ATP6V0A2: variants seen among roughly 807,000 people sequenced by gnomAD.
The protein encoded by ATP6V0A2 is V-type proton ATPase 116 kDa subunit a 2.
Under a neutral mutation model 104.4 loss-of-function variants are expected in ATP6V0A2, and 58 were observed. The observed-to-expected ratio is 0.56, with a 90% CI of 0.45 to 0.69. The LOEUF (loss-of-function observed/expected upper bound fraction) is 0.69, where lower values mean the gene tolerates loss of function less well. ATP6V0A2 is among the 30% of genes least tolerant of loss of function. ATP6V0A2 has a pLI of 0.00. For missense variants in ATP6V0A2, 938 were observed against 1,062.9 expected (o/e 0.88, Z 1.63); for synonymous variants, 376 against 397.9 (o/e 0.95, Z 0.65).
At chr12:123,739,067 G>C (rs1392000055) in intron 9 of ATP6V0A2, 2 of 152,290 alleles carry the variant, frequency 1.3e-5, no homozygotes, top group Non-Finnish European at 2.9e-5. Flanking sequence ...TGGTGTGTGT[G>C]CTGCTTTGTG....
intron 18 of ATP6V0A2, chr12:123,756,514 C>T (rs556445517): frequency 6.5e-5 from 23 of 351,760 alleles, no homozygotes; most frequent in African/African-American, 4.5e-4. Flanking sequence ...GAGCCTGTTT[C>T]TGGCTGCCTG....
intron 9 of ATP6V0A2, among the ~76,000 whole-genome samples, chr12:123,739,446 C>G (rs964206095): frequency 6.6e-6 from 1 of 152,174 alleles, no homozygotes; most frequent in African/African-American, 2.4e-5. Flanking sequence ...TCACAGTTGC[C>G]TTGGTAGTCA....
intron 2 of ATP6V0A2, among the ~76,000 whole-genome samples, chr12:123,718,967 C>T (rs1956370680): frequency 6.6e-6 from 1 of 152,118 alleles, no homozygotes. Flanking sequence ...ACTATAACAT[C>T]TTTTCGTGTC....
intron 6 of ATP6V0A2, chr12:123,732,383 G>A (rs1956509746): frequency 6.6e-6 from 1 of 152,526 alleles, no homozygotes; most frequent in South Asian, 2.1e-4. Flanking sequence ...ATGATCCACA[G>A]GAAACCACAG....
chr12:123,745,084 G>C, intron 13 of ATP6V0A2, 112 bp downstream of exon 13: 4 of 1,095,392 alleles, frequency 3.7e-6, no homozygotes, highest in South Asian at 1.3e-5. Flanking sequence ...CCCTGAGCGG[G>C]AGGTGCTCAT....
intron 6 of ATP6V0A2, among the ~76,000 whole-genome samples, chr12:123,730,157 C>G (rs1378987314): frequency 1.3e-5 from 2 of 151,242 alleles, no homozygotes; most frequent in African/African-American, 4.9e-5. Context: ...TGGGTTCACG[C>G]CATTCTCCTG....
chr12:123,736,985 G>A lies in ATP6V0A2; in HGVS notation c.826-74G>A, dbSNP rs572752272. ...TGTCAATGGGGAGAAAGTCCTCTAAGGGAAGTCGGGTGCCAGGTGGACAGA... is the reference window on the plus strand; with the variant it reads ...TGTCAATGGGGAGAAAGTCCTCTAAAGGAAGTCGGGTGCCAGGTGGACAGA... On this transcript the variant is annotated intron_variant, in intron 8 of 19. Coordinates refer to ENST00000330342, the MANE Select transcript of ATP6V0A2 (RefSeq NM_012463.4). 102 of 1,426,292 alleles carry A rather than the reference G, an allele frequency of 7.2e-5. No homozygotes were observed. In the African/African-American group the frequency reaches 1.2e-3, roughly 17 times the overall value. 88.4% of individuals were successfully genotyped at this position (1,426,292 alleles called of 1,614,324 possible).
At chr12:123,756,792 G>A in intron 18 of ATP6V0A2, 23 bp from the exon 19 acceptor site, 1 of 1,613,062 alleles carries the variant, frequency 6.2e-7, no homozygotes, top group Non-Finnish European at 8.5e-7. Context: ...AGCATGACCT[G>A]TGCAGGCTGC....
Position 123,744,264 on chromosome 12 carries a change from G to A in ATP6V0A2, c.1253G>A (p.Gly418Asp). 1.9e-6 allele frequency: 3 copies of A among 1,614,140 alleles called. No individual in the cohort carries two copies. The highest frequency in any genetic ancestry group is 2.5e-6 in the Non-Finnish European group (3 of 1,180,012). Reference sequence around the variant, plus strand: ...GTGATGTTTGGAGACTTCGGACATGGCTTTGTGATGTTTTTATTTGCCCTC... The same window carrying A: ...GTGATGTTTGGAGACTTCGGACATGACTTTGTGATGTTTTTATTTGCCCTC... ...FAVMFGDFGH[G>D]FVMFLFALLL... Residue 418 changes from glycine (G) to aspartate (D), a missense_variant, in exon 11 of 20, where the codon GGC becomes GAC. Transcript: ENST00000330342. The surrounding 1 kb of genome is among the most constrained non-coding windows in gnomAD (Gnocchi z 5.4).
Position 123,712,702 on chromosome 12 carries a change from C to CT in ATP6V0A2, c.117+20_117+21insT, listed in dbSNP as rs780598074. Reference sequence around the variant, plus strand: ...CGAGACGTGAGTGTCGCCCGGGAGACGCGGGCCGCACCTGCTCTCCTGGCG... The same window carrying CT: ...CGAGACGTGAGTGTCGCCCGGGAGACTGCGGGCCGCACCTGCTCTCCTGGCG... On this transcript the variant is annotated intron_variant, in intron 1 of 19. Coordinates refer to ENST00000330342, the MANE Select transcript of ATP6V0A2 (RefSeq NM_012463.4). 1.1e-4 allele frequency: 174 copies of CT among 1,593,014 alleles called. No homozygotes were observed. Among genetic ancestry groups the CT allele is most frequent in the Non-Finnish European group, 1.4e-4 (164 of 1,165,498 alleles).
chr12:123,756,160 T>C (rs1032685900), intron 18 of ATP6V0A2, among the ~76,000 whole-genome samples: 1 of 151,608 alleles, frequency 6.6e-6, no homozygotes, highest in Non-Finnish European at 1.5e-5. Flanking sequence ...GAGTTTTTAA[T>C]GTTTTAACAA....
rs1956684637 is a variant in ATP6V0A2 at position 123,748,563 on chromosome 12, T to C, written c.1725-12T>C. ...CTTGTTCGTGGGTTGATTGATTCCT[T>C]TTCTTTCCTAGGCACTTCAGGAAGA... is the stretch of plus-strand genomic sequence containing the variant. On this transcript the variant is annotated splice_polypyrimidine_tract_variant and intron_variant, in intron 14 of 19. Coordinates refer to ENST00000330342, the MANE Select transcript of ATP6V0A2 (RefSeq NM_012463.4). The C allele has an allele frequency of 6.2e-7, 1 of 1,605,532 alleles. No homozygotes were observed. Among genetic ancestry groups the C allele is most frequent in the Non-Finnish European group, 8.5e-7 (1 of 1,172,304 alleles).
At chr12:123,720,095 C>T (rs2135881892) in intron 2 of ATP6V0A2, among the ~76,000 whole-genome samples, 1 of 152,254 alleles carries the variant, frequency 6.6e-6, no homozygotes, top group South Asian at 2.1e-4. Flanking sequence ...TCAGGTGATC[C>T]ACTGGCTTCG....
intron 3 of ATP6V0A2, chr12:123,723,758 C>T (rs1956422666): frequency 6.6e-6 from 1 of 152,044 alleles, no homozygotes; most frequent in African/African-American, 2.4e-5. Flanking sequence ...CACGCCTGGC[C>T]AATTGTCATG....
At chr12:123,753,418 T>C (rs934141123) in intron 17 of ATP6V0A2, among the ~76,000 whole-genome samples, 2 of 152,346 alleles carry the variant, frequency 1.3e-5, no homozygotes, top group Admixed American at 1.3e-4. Context: ...CGGACTGAGA[T>C]GCTGGCAGGC....
At chr12:123,742,602 C>T (rs1165387742) in intron 9 of ATP6V0A2, among the ~76,000 whole-genome samples, 6 of 152,152 alleles carry the variant, frequency 3.9e-5, no homozygotes, top group African/African-American at 9.6e-5. Flanking sequence ...TTTGGGAGGC[C>T]GAGGTGGGCA....
At chr12:123,737,691 G>A (rs1956569267) in intron 9 of ATP6V0A2, 1 of 242,216 alleles carries the variant, frequency 4.1e-6, no homozygotes, top group South Asian at 5.2e-5. Flanking sequence ...GAAAGACACA[G>A]TGCAGTGGCT....
intron 18 of ATP6V0A2, among the ~76,000 whole-genome samples, chr12:123,755,780 A>G (rs1566293830): frequency 6.6e-6 from 1 of 151,908 alleles, no homozygotes; most frequent in Non-Finnish European, 1.5e-5. Flanking sequence ...TTTTTGTTAA[A>G]ACATTAATAA....
chr12:123,713,883 A>G lies in ATP6V0A2; in HGVS notation c.117+1201A>G, dbSNP rs140216922. On this transcript the variant is annotated intron_variant, in intron 1 of 19. Coordinates refer to ENST00000330342, the MANE Select transcript of ATP6V0A2 (RefSeq NM_012463.4). Reference sequence around the variant, plus strand: ...GAGATCTGATATCCATTGATATCAGATATCTAATACCAGATCAGCCCCATA... The same window carrying G: ...GAGATCTGATATCCATTGATATCAGGTATCTAATACCAGATCAGCCCCATA... 5.6e-3 allele frequency among the ~76,000 whole-genome samples: 858 copies of G among 152,290 alleles called. 21 individuals carry two copies. Among genetic ancestry groups the G allele is most frequent in the Admixed American group, 0.047 (719 of 15,292 alleles).
Sources: allele counts gnomAD v4.1 joint callset (sites outside exome capture counted in the v4.1 genomes callset), GRCh38; gene constraint gnomAD v4.1.1; non-coding constraint Gnocchi (gnomAD v3.1); transcripts MANE v1.5; gene names NCBI Gene and HGNC (gene_info 2026-07-23, HGNC 2026-07-21).